Variants in PDE1A observed in about 807,000 individuals in gnomAD.
The protein encoded by PDE1A is phosphodiesterase 1A, also known as dual specificity calcium/calmodulin-dependent 3',5'-cyclic nucleotide phosphodiesterase 1A.
In PDE1A, 35 loss-of-function variants were observed where a neutral mutation model predicts 61.7. The observed-to-expected ratio is 0.57, with a 90% CI of 0.43 to 0.75. The LOEUF is 0.75. PDE1A is among the 30% of genes least tolerant of loss of function. PDE1A has a pLI of 0.00. For missense variants in PDE1A, 597 were observed against 630.6 expected (o/e 0.95, Z 0.57); for synonymous variants, 232 against 213.2 (o/e 1.09, Z -0.77).
the PDE1A span, among the ~76,000 whole-genome samples, chr2:182,553,859 T>C: frequency 2.0e-5 from 3 of 152,186 alleles, no homozygotes; most frequent in Non-Finnish European, 2.9e-5. Flanking sequence ...CTATAACAGA[T>C]TTAGGGGCTA....
chr2:182,164,139 A>T (rs565831419), downstream of PDE1A, among the ~76,000 whole-genome samples: 1 of 152,184 alleles, frequency 6.6e-6, no homozygotes, highest in African/African-American at 2.4e-5. Flanking sequence ...TTGGGGAGAC[A>T]CAGCAGTATT....
chr2:182,406,257 G>A (rs1225415930), intron 1 of PDE1A, among the ~76,000 whole-genome samples: 2 of 151,916 alleles, frequency 1.3e-5, no homozygotes, highest in East Asian at 3.9e-4. Context: ...CAAGGCTTAA[G>A]AATTCTGAAA....
the PDE1A span, among the ~76,000 whole-genome samples, chr2:182,687,345 A>C: frequency 6.6e-6 from 1 of 152,204 alleles, no homozygotes; most frequent in Non-Finnish European, 1.5e-5. Flanking sequence ...CTTCCAGAGG[A>C]ACAATCAGAC....
chr2:182,627,264 T>TATATAAATAATATATTATTTAC, the PDE1A span, among the ~76,000 whole-genome samples: 1 of 101,642 alleles, frequency 9.8e-6, no homozygotes, highest in African/African-American at 4.1e-5. Flanking sequence ...ATATTATTTA[T>TATATAAATAATATATTATTTAC]ATATAAATAA....
At chr2:182,509,245 G>A (rs1689630012) in intron 2 of PDE1A, among the ~76,000 whole-genome samples, 1 of 152,116 alleles carries the variant, frequency 6.6e-6, no homozygotes. Context: ...TTCTCTTGTA[G>A]CTATTAGCTA....
At chr2:182,462,252 T>C (rs1574717424) in intron 2 of PDE1A, among the ~76,000 whole-genome samples, 1 of 151,996 alleles carries the variant, frequency 6.6e-6, no homozygotes, top group East Asian at 1.9e-4. Context: ...CATGTATACA[T>C]ATGTAACAAA....
chr2:182,271,884 A>G (rs903338692), intron 1 of PDE1A, among the ~76,000 whole-genome samples: 2 of 140,094 alleles, frequency 1.4e-5, no homozygotes, highest in African/African-American at 5.4e-5. Flanking sequence ...AGAACTATTA[A>G]GAAACAAACA....
intron 7 of PDE1A, among the ~76,000 whole-genome samples, chr2:182,217,887 A>G (rs1432098436): frequency 6.6e-6 from 1 of 152,068 alleles, no homozygotes; most frequent in Admixed American, 6.5e-5. Flanking sequence ...TAGAACTGGA[A>G]ATACCATTCG....
At chr2:182,450,411 C>CT (rs1303958599) in intron 2 of PDE1A, among the ~76,000 whole-genome samples, 1 of 152,108 alleles carries the variant, frequency 6.6e-6, no homozygotes, top group Non-Finnish European at 1.5e-5. Flanking sequence ...TCAGGGCTGG[C>CT]CAATTTATGA....
chr2:182,453,924 T>C (rs1283821644), intron 2 of PDE1A, among the ~76,000 whole-genome samples: 6 of 151,798 alleles, frequency 4.0e-5, no homozygotes, highest in African/African-American at 1.5e-4. Context: ...CCAGGGCAAT[T>C]AGGCAGGAGA....
chr2:182,668,588 AT>A, the PDE1A span, among the ~76,000 whole-genome samples: 2 of 152,130 alleles, frequency 1.3e-5, no homozygotes, highest in South Asian at 4.1e-4. Flanking sequence ...GAGTTGGTGG[AT>A]GACTGGTAGG....
chr2:182,190,836 G>A (rs1057063576), intron 10 of PDE1A, among the ~76,000 whole-genome samples: 1 of 151,992 alleles, frequency 6.6e-6, no homozygotes, highest in Admixed American at 6.6e-5. Flanking sequence ...TGTGCCTGCA[G>A]TCCCAGCTAC....
chr2:182,621,585 A>AT, the PDE1A span, among the ~76,000 whole-genome samples: 502 of 150,414 alleles, frequency 3.3e-3, no homozygotes, highest in South Asian at 5.3e-3. Flanking sequence ...TTAAAAAAAA[A>AT]TTTTTTTTTT....
intron 1 of PDE1A, among the ~76,000 whole-genome samples, chr2:182,397,741 A>G (rs1284986680): frequency 6.6e-6 from 1 of 151,876 alleles, no homozygotes; most frequent in Non-Finnish European, 1.5e-5. Context: ...TACTGTATAA[A>G]CTCTTTAAGA....
At chr2:182,554,094 G>A in the PDE1A span, among the ~76,000 whole-genome samples, 1 of 152,096 alleles carries the variant, frequency 6.6e-6, no homozygotes, top group African/African-American at 2.4e-5. Context: ...CAGGCAGGTA[G>A]ACCAGTAGAG....
the PDE1A span, among the ~76,000 whole-genome samples, chr2:182,629,016 A>C: frequency 6.6e-6 from 1 of 152,174 alleles, no homozygotes; most frequent in Non-Finnish European, 1.5e-5. Context: ...AAGCAAACAG[A>C]CATGCCAGAA....
At chr2:182,244,730 T>C (rs1013195284) in intron 2 of PDE1A, among the ~76,000 whole-genome samples, 1 of 152,192 alleles carries the variant, frequency 6.6e-6, no homozygotes, top group Admixed American at 6.5e-5. Context: ...TTTATATGGA[T>C]TCCATGTTGG....
chr2:182,685,015 G>T, the PDE1A span, among the ~76,000 whole-genome samples: 4 of 151,210 alleles, frequency 2.6e-5, no homozygotes, highest in Non-Finnish European at 5.9e-5. Flanking sequence ...CATGATGCAA[G>T]CTTTTGACAA....
intron 1 of PDE1A, among the ~76,000 whole-genome samples, chr2:182,304,347 A>T (rs551180652): frequency 1.8e-4 from 28 of 152,174 alleles, no homozygotes; most frequent in Non-Finnish European, 3.2e-4. Context: ...TTGATCTTCT[A>T]TCCAGACAAC....
Sources: allele counts gnomAD v4.1 joint callset (sites outside exome capture counted in the v4.1 genomes callset), GRCh38; gene constraint gnomAD v4.1.1; transcripts MANE v1.5; gene names NCBI Gene and HGNC (gene_info 2026-07-23, HGNC 2026-07-21).